HERC3: variants seen among roughly 807,000 people sequenced by gnomAD.
The protein encoded by HERC3 is HECT and RLD domain containing E3 ubiquitin protein ligase 3.
Under a neutral mutation model 129.9 loss-of-function variants are expected in HERC3, and 58 were observed. The observed-to-expected ratio is 0.45, with a 90% confidence interval of 0.36 to 0.56. The LOEUF is 0.56. HERC3 is among the 20% of genes least tolerant of loss of function. HERC3 has a pLI of 0.00. For missense variants in HERC3, 835 were observed against 1,244.2 expected (o/e 0.67, Z 4.95); for synonymous variants, 430 against 451.0 (o/e 0.95, Z 0.59).
At chr4:88,698,663 TCTTCCCTGCCTTCCCCCAACACCGTCTG>T (rs1407573010) in intron 23 of HERC3, among the ~76,000 whole-genome samples, 3 of 149,810 alleles carry the variant, frequency 2.0e-5, no homozygotes, top group Non-Finnish European at 3.0e-5. Context: ...CTCACATTCG[TCTTCCCTGCCTTCCCCCAACACCGTCTG>T]CTTCCCTGCC....
At position 88,707,566 on chromosome 4, in the gene HERC3, C is replaced by CATA. The variant is rs1735880290; in HGVS notation, c.*606_*607insATA. On this transcript the variant is annotated 3_prime_UTR_variant, in exon 26 of 26. Transcript: ENST00000402738. ...AGAACTCCTAAGAATTTATGGGAGC[C>CATA]TATATAAACATATCTTGCTTTTAAA... The CATA allele has an allele frequency of 6.6e-6, 1 of 152,368 alleles. No homozygotes were observed. The highest frequency in any genetic ancestry group is 2.4e-5 in the African/African-American group (1 of 41,426). The allele number at this position is 152,368 out of a possible 1,614,324, so 9.4% of individuals were successfully genotyped here. A position where few individuals can be genotyped will look rare whatever the true frequency, so the allele number is the denominator to read the frequency against.
rs767584576 is a variant in HERC3, at chr4:88,681,183, C to T, written c.2365C>T (p.His789Tyr). The T allele has an allele frequency of 1.9e-5, 30 of 1,612,558 alleles. No individual in the cohort carries two copies. The highest frequency in any genetic ancestry group is 2.5e-5 in the Non-Finnish European group (30 of 1,179,632). Reference sequence around the variant, plus strand: ...GTGTTTTGTAGAGCACAACTGGTTTCACTTGATTGGTATAACCTGTGGACT... The same window carrying T: ...GTGTTTTGTAGAGCACAACTGGTTTTACTTGATTGGTATAACCTGTGGACT... Reference protein sequence around the residue: ...DTCFVEHNWFHLIGITCGLAI... With the variant: ...DTCFVEHNWFYLIGITCGLAI... The change falls in exon 21 of 26, where the codon CAC becomes TAC. Residue 789 changes from histidine to tyrosine, a missense_variant. His to Tyr is a moderately conservative substitution (Grantham distance 83). Coordinates refer to ENST00000402738, the MANE Select transcript of HERC3 (RefSeq NM_014606.3).
chr4:88,526,613 T>G, the HERC3 span, among the ~76,000 whole-genome samples: 1 of 152,198 alleles, frequency 6.6e-6, no homozygotes, highest in African/African-American at 2.4e-5. Context: ...CGTGACTCAC[T>G]GCAGCCTTGA....
chr4:88,658,645 G>A (rs922170367), intron 10 of HERC3, among the ~76,000 whole-genome samples, 154 bp downstream of exon 10: 5 of 152,206 alleles, frequency 3.3e-5, no homozygotes, highest in Admixed American at 6.5e-5. Flanking sequence ...TCTGGAAGAA[G>A]TTGTCTCCAT....
the HERC3 span, among the ~76,000 whole-genome samples, chr4:88,567,162 G>A: frequency 6.6e-6 from 1 of 152,172 alleles, no homozygotes; most frequent in Non-Finnish European, 1.5e-5. Flanking sequence ...GTTGTCAGAT[G>A]TATTGGAGCT....
At chr4:88,657,575 A>T (rs1730047573) in intron 9 of HERC3, 1 of 152,242 alleles carries the variant, frequency 6.6e-6, no homozygotes, top group Admixed American at 6.5e-5. Flanking sequence ...TTGAAGTTGA[A>T]TTATAACCTG....
At chr4:88,550,210 C>T in the HERC3 span, among the ~76,000 whole-genome samples, 82 of 152,294 alleles carry the variant, frequency 5.4e-4, no homozygotes, top group African/African-American at 1.8e-3. Flanking sequence ...TTAAAAGTCT[C>T]GTTTTCCTGG....
chr4:88,529,462 A>T, the HERC3 span, among the ~76,000 whole-genome samples: 1 of 152,228 alleles, frequency 6.6e-6, no homozygotes, highest in African/African-American at 2.4e-5. Context: ...GTCTCTAAAA[A>T]ATAAAAAAAC....
chr4:88,592,917 C>T (rs1342157174), intron 1 of HERC3, among the ~76,000 whole-genome samples: 5 of 151,970 alleles, frequency 3.3e-5, no homozygotes, highest in South Asian at 2.1e-4. Flanking sequence ...CCCGCCCTGC[C>T]GCCCGGGAGG....
intron 21 of HERC3, among the ~76,000 whole-genome samples, chr4:88,681,962 C>T (rs970101351): frequency 1.3e-5 from 2 of 152,198 alleles, no homozygotes; most frequent in Non-Finnish European, 2.9e-5. Flanking sequence ...TCTGCAAATA[C>T]TATAATTTTG....
intron 2 of HERC3, among the ~76,000 whole-genome samples, chr4:88,604,532 A>G (rs994136392): frequency 1.3e-5 from 2 of 152,262 alleles, no homozygotes; most frequent in Admixed American, 6.5e-5. Context: ...CATTTCATGT[A>G]AACGGAATCA....
intron 21 of HERC3, among the ~76,000 whole-genome samples, chr4:88,681,588 G>T (rs1578306423): frequency 1.3e-5 from 2 of 152,206 alleles, no homozygotes; most frequent in East Asian, 3.9e-4. Context: ...CTCAAGTCCT[G>T]CAGGGGCCCT....
At chr4:88,612,898 CTT>C (rs1483889628) in intron 3 of HERC3, among the ~76,000 whole-genome samples, 2 of 151,862 alleles carry the variant, frequency 1.3e-5, no homozygotes, top group African/African-American at 4.8e-5. Context: ...ATCTTGAGCT[CTT>C]TTATTAAACT....
intron 12 of HERC3, among the ~76,000 whole-genome samples, chr4:88,664,702 T>C (rs1294883899): frequency 6.6e-6 from 1 of 152,202 alleles, no homozygotes; most frequent in African/African-American, 2.4e-5. Flanking sequence ...CCTCAGATAA[T>C]TTTCTTGATT....
At chr4:88,697,035 A>T (rs1734668158) in intron 23 of HERC3, 1 of 580,854 alleles carries the variant, frequency 1.7e-6, no homozygotes, top group East Asian at 3.1e-5. Flanking sequence ...ATTTGAATCG[A>T]GCTGGCCAGG....
the HERC3 span, among the ~76,000 whole-genome samples, chr4:88,539,699 G>A: frequency 6.6e-6 from 1 of 152,184 alleles, no homozygotes. Context: ...GTGACCCTCT[G>A]GGACGAAGCT....
chr4:88,637,645 A>G (rs766890566), intron 3 of HERC3, among the ~76,000 whole-genome samples: 1 of 152,186 alleles, frequency 6.6e-6, no homozygotes. Flanking sequence ...TCAGAAAGCT[A>G]GAAAGATCTC....
the HERC3 span, among the ~76,000 whole-genome samples, chr4:88,572,967 G>A: frequency 1.8e-4 from 27 of 152,222 alleles, no homozygotes; most frequent in East Asian, 5.0e-3. Context: ...ATATTTTGGA[G>A]ATATTTCTCC....
chr4:88,673,746 T>G (rs952346373), intron 16 of HERC3, among the ~76,000 whole-genome samples: 8 of 152,304 alleles, frequency 5.3e-5, no homozygotes, highest in African/African-American at 1.9e-4. Flanking sequence ...AGAATAAAAA[T>G]TAATGAAATT....
Sources: gnomAD v4.1 joint callset for allele counts (sites outside exome capture counted in the v4.1 genomes callset) on GRCh38, gnomAD v4.1.1 for gene constraint, MANE v1.5 for transcripts, NCBI Gene and HGNC (gene_info 2026-07-23, HGNC 2026-07-21) for gene names.